Variants in PPP1R9A observed in about 807,000 individuals in gnomAD.
The protein encoded by PPP1R9A is neurabin-1.
A neutral mutation model predicts 141.9 loss-of-function variants in PPP1R9A; 59 were observed. The observed-to-expected ratio is 0.42, with a 90% CI of 0.34 to 0.52. The LOEUF is 0.52. PPP1R9A is among the 20% of genes least tolerant of loss of function. The probability of loss-of-function intolerance (pLI) is 0.10; values close to 1 mark genes in which losing one functional copy is unlikely to be tolerated. For synonymous variants in PPP1R9A, 500 were observed against 569.7 expected (o/e 0.88, Z 1.74); for missense variants, 1,444 against 1,611.9 (o/e 0.90, Z 1.78).
rs531700253 is a variant in PPP1R9A at position 95,103,030 on chromosome 7, T to TAGA, written c.1396-8222_1396-8220dup. ...TCATCAAATTCATTGAAGACCTTCA[T>TAGA]AGAAGAAGACTGACTTCCATCAGAG... On this transcript the variant is annotated intron_variant, in intron 2 of 19. Coordinates refer to ENST00000433360, the MANE Select transcript of PPP1R9A (RefSeq NM_001166160.2). Among the ~76,000 whole-genome samples the TAGA allele has an allele frequency of 3.8e-3, 572 of 152,286 alleles. 4 individuals are homozygous for TAGA. Among genetic ancestry groups the TAGA allele is most frequent in the African/African-American group, 0.013 (545 of 41,564 alleles).
intron 2 of PPP1R9A, among the ~76,000 whole-genome samples, chr7:94,930,059 T>C (rs1793961922): frequency 6.6e-6 from 1 of 152,200 alleles, no homozygotes; most frequent in Non-Finnish European, 1.5e-5. Context: ...AGGGAATTGA[T>C]TGTCTTTGAT....
chr7:95,044,732 A>T (rs895784732), intron 2 of PPP1R9A, among the ~76,000 whole-genome samples: 2 of 134,280 alleles, frequency 1.5e-5, no homozygotes, highest in African/African-American at 2.8e-5. Context: ...ATATATATAT[A>T]ATATATATAT....
At chr7:95,231,713 C>T (rs1158132417) in intron 8 of PPP1R9A, among the ~76,000 whole-genome samples, 3 of 151,974 alleles carry the variant, frequency 2.0e-5, no homozygotes, top group Admixed American at 6.6e-5. Flanking sequence ...GTGACACAAC[C>T]TGTCAAAACC....
intron 2 of PPP1R9A, among the ~76,000 whole-genome samples, chr7:95,000,591 A>G (rs1474630932): frequency 6.6e-6 from 1 of 151,844 alleles, no homozygotes; most frequent in African/African-American, 2.4e-5. Context: ...TTGGAAATAT[A>G]ATTTGTAGTT....
intron 16 of PPP1R9A, among the ~76,000 whole-genome samples, chr7:95,281,770 C>G (rs907259433): frequency 1.3e-5 from 2 of 152,104 alleles, no homozygotes; most frequent in South Asian, 2.1e-4. Flanking sequence ...GGGAGTAGGA[C>G]AAGATTGTCA....
chr7:94,978,951 C>A (rs1584482425), intron 2 of PPP1R9A, among the ~76,000 whole-genome samples: 1 of 152,148 alleles, frequency 6.6e-6, no homozygotes, highest in Non-Finnish European at 1.5e-5. Context: ...CATGTGCCAC[C>A]AGGCCCAGCT....
chr7:95,146,794 A>T (rs1185631676), intron 4 of PPP1R9A, among the ~76,000 whole-genome samples: 1 of 152,270 alleles, frequency 6.6e-6, no homozygotes, highest in South Asian at 2.1e-4. Context: ...TTTGTCAAAG[A>T]TCAGATGGTT....
chr7:95,209,654 T>G (rs1284995894), intron 7 of PPP1R9A, among the ~76,000 whole-genome samples: 2 of 152,210 alleles, frequency 1.3e-5, no homozygotes, highest in Non-Finnish European at 2.9e-5. Flanking sequence ...CCATAATCCA[T>G]GTAATACCAC....
intron 2 of PPP1R9A, among the ~76,000 whole-genome samples, chr7:95,074,322 C>T (rs760020148): frequency 2.0e-5 from 3 of 152,056 alleles, no homozygotes; most frequent in East Asian, 1.9e-4. Flanking sequence ...TACAAGCCAT[C>T]GTGTTATTTC....
intron 2 of PPP1R9A, among the ~76,000 whole-genome samples, chr7:94,961,509 G>T (rs1050239984): frequency 1.3e-5 from 2 of 151,636 alleles, no homozygotes; most frequent in African/African-American, 2.4e-5. Flanking sequence ...AAGACTGTGA[G>T]GTTCCTTATA....
intron 2 of PPP1R9A, among the ~76,000 whole-genome samples, chr7:95,091,399 A>C (rs1295770188): frequency 7.8e-6 from 1 of 128,898 alleles, no homozygotes. Flanking sequence ...GCTGGAGTGC[A>C]GTGGCACAAT....
At chr7:95,097,090 G>A (rs979674363) in intron 2 of PPP1R9A, among the ~76,000 whole-genome samples, 2 of 151,604 alleles carry the variant, frequency 1.3e-5, no homozygotes, top group Non-Finnish European at 2.9e-5. Flanking sequence ...GCAGTGGTGC[G>A]ATCTTGTCTT....
intron 5 of PPP1R9A, among the ~76,000 whole-genome samples, chr7:95,192,421 T>C (rs1835642780): frequency 6.6e-6 from 1 of 152,048 alleles, no homozygotes; most frequent in Non-Finnish European, 1.5e-5. Flanking sequence ...CTTTTCAATT[T>C]AATGTTCTTT....
intron 8 of PPP1R9A, among the ~76,000 whole-genome samples, chr7:95,231,210 T>C (rs1795880562): frequency 6.6e-6 from 1 of 152,190 alleles, no homozygotes; most frequent in East Asian, 1.9e-4. Flanking sequence ...ATTACAATTC[T>C]AACTATATTT....
Position 95,226,130 on chromosome 7 carries a change from C to T in PPP1R9A, c.2112+14C>T, listed in dbSNP as rs1261160967. ...AAGTTCAAAGAGGTATGCCACTAAG[C>T]TGCAAAATATTTCTTTATGCCTGTC... On this transcript the variant is annotated intron_variant, in intron 8 of 19. Coordinates refer to ENST00000433360, the MANE Select transcript of PPP1R9A (RefSeq NM_001166160.2). 1.2e-6 allele frequency: 2 copies of T among 1,603,572 alleles called. No individual in the cohort carries two copies. The highest frequency in any genetic ancestry group is 1.7e-6 in the Non-Finnish European group (2 of 1,171,784).
Position 94,994,559 on chromosome 7 carries a change from A to G in PPP1R9A, c.1395+83051A>G, listed in dbSNP as rs1157529941. 2.0e-5 allele frequency among the ~76,000 whole-genome samples: 3 copies of G among 152,258 alleles called. No homozygotes were observed. The East Asian group carries it at 5.8e-4, about 29-fold the overall frequency. On this transcript the variant is annotated intron_variant, in intron 2 of 19. Transcript: ENST00000433360. ...GAGTTTTTATTAGGAATAATGTTAGATTTTTAAGTTATTAATTTGGTTAAT... is the reference window on the plus strand; with the variant it reads ...GAGTTTTTATTAGGAATAATGTTAGGTTTTTAAGTTATTAATTTGGTTAAT...
At chr7:94,994,690 T>A (rs753424776) in intron 2 of PPP1R9A, among the ~76,000 whole-genome samples, 3 of 151,922 alleles carry the variant, frequency 2.0e-5, no homozygotes, top group Non-Finnish European at 4.4e-5. Flanking sequence ...GGTCAAGAGA[T>A]TGAGACCATC....
intron 3 of PPP1R9A, among the ~76,000 whole-genome samples, chr7:95,118,176 T>A (rs2152472219): frequency 6.6e-6 from 1 of 152,312 alleles, no homozygotes; most frequent in African/African-American, 2.4e-5. Context: ...ACATCTAACC[T>A]TCATGTACAC....
chr7:95,260,224 G>T (rs1437696216), intron 12 of PPP1R9A, among the ~76,000 whole-genome samples: 2 of 152,148 alleles, frequency 1.3e-5, no homozygotes, highest in Non-Finnish European at 2.9e-5. Context: ...CTGACTACTT[G>T]TAAACTATTA....
Sources: allele counts gnomAD v4.1 joint callset (sites outside exome capture counted in the v4.1 genomes callset), GRCh38; gene constraint gnomAD v4.1.1; transcripts MANE v1.5; gene names NCBI Gene and HGNC (gene_info 2026-07-23, HGNC 2026-07-21).